SPP2: variants seen among roughly 807,000 people sequenced by gnomAD.
SPP2 encodes secreted phosphoprotein 2.
Under a neutral mutation model 28.8 loss-of-function variants are expected in SPP2, and 34 were observed. The observed-to-expected ratio is 1.18, with a 90% CI of 0.90 to 1.57. The LOEUF (loss-of-function observed/expected upper bound fraction) is 1.57. Among genes scored for constraint, SPP2 ranks in the 40% most tolerant of loss-of-function variants. The pLI, the probability that SPP2 is intolerant of heterozygous loss-of-function variation, is 0.00. For synonymous variants in SPP2, 96 were observed against 89.4 expected (o/e 1.07, Z -0.42); for missense variants, 269 against 263.9 (o/e 1.02, Z -0.13).
rs1253516088 is a variant in SPP2, at chr2:234,077,021, A to G, written c.*187A>G. ...TGACCCTCACACTCCTTTTCTCTTA[A>G]CAGCAAAATGCAATGGAAGGAAGAA... is the stretch of plus-strand genomic sequence containing the variant. On this transcript the variant is annotated 3_prime_UTR_variant, in exon 8 of 8. Coordinates refer to ENST00000168148, the MANE Select transcript of SPP2 (RefSeq NM_006944.3). 3 of 152,088 alleles carry G rather than the reference A, an allele frequency of 2.0e-5. No homozygotes were observed. Among genetic ancestry groups the G allele is most frequent in the Non-Finnish European group, 4.4e-5 (3 of 68,024 alleles). 9.4% of individuals were successfully genotyped at this position (152,088 alleles called of 1,614,324 possible).
At chr2:234,074,881 A>AAC (rs1333262216) in intron 7 of SPP2, among the ~76,000 whole-genome samples, 1 of 151,800 alleles carries the variant, frequency 6.6e-6, no homozygotes, top group Non-Finnish European at 1.5e-5. Flanking sequence ...AAGCTTCTCT[A>AAC]ACACACACAT....
chr2:234,060,700 T>TTCTCTC (rs146209101), intron 4 of SPP2, among the ~76,000 whole-genome samples: 50 of 149,268 alleles, frequency 3.3e-4, no homozygotes, highest in African/African-American at 1.2e-3. Context: ...TCCTCTCTCT[T>TTCTCTC]TCTCTCTCTC....
At chr2:234,074,422 C>T (rs1190502009) in intron 7 of SPP2, among the ~76,000 whole-genome samples, 1 of 152,174 alleles carries the variant, frequency 6.6e-6, no homozygotes, top group African/African-American at 2.4e-5. Context: ...GTGTCAGACT[C>T]ATTCGTGACA....
intron 4 of SPP2, among the ~76,000 whole-genome samples, chr2:234,061,574 G>A (rs1006939744): frequency 6.6e-6 from 1 of 152,044 alleles, no homozygotes; most frequent in African/African-American, 2.4e-5. Context: ...TAACTCTGTA[G>A]TGAAAATTAC....
At chr2:234,072,079 C>A (rs183629531) in intron 7 of SPP2, among the ~76,000 whole-genome samples, 109 of 152,348 alleles carry the variant, frequency 7.2e-4, no homozygotes, top group African/African-American at 2.5e-3. Flanking sequence ...AAATAGCACT[C>A]AGTAAATATT....
At chr2:234,061,150 T>C (rs1693712356) in intron 4 of SPP2, among the ~76,000 whole-genome samples, 1 of 152,210 alleles carries the variant, frequency 6.6e-6, no homozygotes, top group Non-Finnish European at 1.5e-5. Flanking sequence ...CATTGAAAGT[T>C]TGATTTGCAA....
intron 7 of SPP2, among the ~76,000 whole-genome samples, chr2:234,071,568 T>C (rs1690787245): frequency 6.6e-6 from 1 of 152,222 alleles, no homozygotes; most frequent in Admixed American, 6.5e-5. Context: ...ATTCCATGCA[T>C]AGGTATTTTA....
chr2:234,057,852 G>A (rs1053653286), intron 2 of SPP2, among the ~76,000 whole-genome samples: 1 of 152,190 alleles, frequency 6.6e-6, no homozygotes. Flanking sequence ...CTTATTTCTG[G>A]AATTATTAAA....
intron 6 of SPP2, among the ~76,000 whole-genome samples, chr2:234,069,258 A>G (rs1463798278): frequency 6.6e-6 from 1 of 152,128 alleles, no homozygotes; most frequent in Non-Finnish European, 1.5e-5. Flanking sequence ...ACAGTCTTTT[A>G]TAAACTAATC....
chr2:234,065,468 C>T (rs188730523), intron 4 of SPP2, among the ~76,000 whole-genome samples: 15 of 152,214 alleles, frequency 9.9e-5, no homozygotes, highest in Admixed American at 3.9e-4. Context: ...TTAGTAGAGA[C>T]GGGGTTTTGC....
chr2:234,058,949 CT>C lies in SPP2; in HGVS notation c.325del (p.Tyr109ThrfsTer12). On this transcript the variant is annotated frameshift_variant, in exon 3 of 8. Coordinates refer to ENST00000168148, the MANE Select transcript of SPP2 (RefSeq NM_006944.3). LOFTEE classifies it high-confidence loss of function. ...CCGCTACATGTGCCTTCCAGAGGGA[CT>C]ACTATGTGGTAAGTGGGAGGAGACC... is the stretch of plus-strand genomic sequence containing the variant. The part of the protein sequence containing the change: ...DPATCAFQRD[Y>X]YVSTAVCRST... 6.2e-7 allele frequency: 1 copy of C among 1,613,544 alleles called. No individual in the cohort carries two copies. The highest frequency in any genetic ancestry group is 8.5e-7 in the Non-Finnish European group (1 of 1,179,748).
At chr2:234,071,629 G>A in intron 7 of SPP2, among the ~76,000 whole-genome samples, 1 of 152,164 alleles carries the variant, frequency 6.6e-6, no homozygotes, top group East Asian at 1.9e-4. Context: ...AGTGTTCACG[G>A]GCTTTACAGT....
At chr2:234,063,198 G>A (rs1693753667) in intron 4 of SPP2, among the ~76,000 whole-genome samples, 1 of 152,038 alleles carries the variant, frequency 6.6e-6, no homozygotes. Flanking sequence ...AAAGACATTA[G>A]ATTAGGATAC....
chr2:234,050,758 G>T lies in SPP2; in HGVS notation c.-29G>T. On this transcript the variant is annotated 5_prime_UTR_variant, in exon 1 of 8. Transcript: ENST00000168148. ...GAACTGTCATCCCCAAACACATAGAGAGACACTCTCTGTCTCTCGATTACA... is the reference window on the plus strand; with the variant it reads ...GAACTGTCATCCCCAAACACATAGATAGACACTCTCTGTCTCTCGATTACA... 1 of 1,604,440 alleles carries T rather than the reference G, an allele frequency of 6.2e-7. No homozygotes were observed. The highest frequency in any genetic ancestry group is 1.1e-5 in the South Asian group (1 of 90,730).
chr2:234,052,998 G>A (rs28903989), intron 2 of SPP2, among the ~76,000 whole-genome samples: 6,662 of 152,248 alleles, frequency 0.044, 487 homozygotes, highest in African/African-American at 0.15. Flanking sequence ...AAGCCCTCAG[G>A]AGAGAGTTGA....
chr2:234,065,541 A>T (rs1410424151), intron 4 of SPP2, among the ~76,000 whole-genome samples: 2 of 152,158 alleles, frequency 1.3e-5, no homozygotes, highest in African/African-American at 4.8e-5. Context: ...TGCCTCCCAA[A>T]GTGCTGGGAT....
chr2:234,058,661 T>A (rs1693655889), intron 2 of SPP2, among the ~76,000 whole-genome samples, 175 bp from the exon 3 acceptor site: 1 of 152,202 alleles, frequency 6.6e-6, no homozygotes, highest in Non-Finnish European at 1.5e-5. Flanking sequence ...TTAAGTCACT[T>A]TTCCTCTCTG....
intron 4 of SPP2, among the ~76,000 whole-genome samples, chr2:234,063,868 TGAA>T (rs1693767453): frequency 6.6e-6 from 1 of 152,176 alleles, no homozygotes. Context: ...AGAGAGAAAC[TGAA>T]GAAGAATGAT....
intron 6 of SPP2, among the ~76,000 whole-genome samples, chr2:234,067,637 C>T (rs1003608340): frequency 4.0e-5 from 6 of 151,798 alleles, no homozygotes; most frequent in South Asian, 2.1e-4. Context: ...ATTAGCCGGG[C>T]GTAGTGGTGG....
Sources: gnomAD v4.1 joint callset for allele counts (sites outside exome capture counted in the v4.1 genomes callset) on GRCh38, gnomAD v4.1.1 for gene constraint, MANE v1.5 for transcripts, NCBI Gene and HGNC (gene_info 2026-07-23, HGNC 2026-07-21) for gene names.